CEPT1: variants seen among roughly 807,000 people sequenced by gnomAD.
CEPT1 encodes choline/ethanolaminephosphotransferase 1.
In CEPT1, 7 loss-of-function variants were observed where a neutral mutation model predicts 42.6. The ratio of observed to expected loss-of-function variants is 0.16; its 90% CI spans 0.09 to 0.31. The LOEUF (loss-of-function observed/expected upper bound fraction) is 0.31. Ranked by LOEUF, CEPT1 falls within the 10% of genes least tolerant of loss-of-function variation. The pLI, the probability that CEPT1 is intolerant of heterozygous loss-of-function variation, is 1.00. For missense variants in CEPT1, 306 were observed against 502.1 expected (o/e 0.61, Z 3.73); for synonymous variants, 171 against 171.9 (o/e 0.99, Z 0.04).
chr1:111,167,312 C>A, intron 4 of CEPT1: 1 of 966,722 alleles, frequency 1.0e-6, no homozygotes, highest in Non-Finnish European at 1.2e-6. Context: ...GTTGGTATGT[C>A]ACAAACAGGT....
intron 7 of CEPT1, 75 bp downstream of exon 7, chr1:111,183,032 C>A: frequency 7.0e-7 from 1 of 1,422,498 alleles, no homozygotes; most frequent in Non-Finnish European, 9.6e-7. Flanking sequence ...AGTTCTCATT[C>A]TGTAGCTTCA....
chr1:111,140,621 A>G (rs1654425643), intron 1 of CEPT1: 1 of 152,470 alleles, frequency 6.6e-6, no homozygotes, highest in Non-Finnish European at 1.5e-5. Flanking sequence ...AGGGGTGGGA[A>G]GAACCGTGGA....
In CEPT1 at chr1:111,173,875, G is replaced by T. The variant is rs116470289; in HGVS notation, c.630-1004G>T. Reference sequence around the variant, plus strand: ...TTTTTATATCAGTATATAGAGAGCTGCCCTACTCTTTTTAAAAGCTGTAAA... The same window carrying T: ...TTTTTATATCAGTATATAGAGAGCTTCCCTACTCTTTTTAAAAGCTGTAAA... On this transcript the variant is annotated intron_variant, in intron 4 of 8. Transcript: ENST00000357172. 3.7e-3 allele frequency among the ~76,000 whole-genome samples: 563 copies of T among 152,192 alleles called. 5 individuals carry two copies. The highest frequency in any genetic ancestry group is 0.013 in the African/African-American group (533 of 41,534).
chr1:111,173,863 A>G (rs1571149866), intron 4 of CEPT1, among the ~76,000 whole-genome samples: 1 of 152,158 alleles, frequency 6.6e-6, no homozygotes, highest in Non-Finnish European at 1.5e-5. Flanking sequence ...TTATATCAGT[A>G]TATAGAGAGC....
Position 111,183,799 on chromosome 1 carries a change from G to A in CEPT1, c.1131+212G>A, listed in dbSNP as rs146034329. ...TAATCTTACTAGTCCTGCCTACATC[G>A]GGCAGGGCTCATAAATTGCAAATTT... On this transcript the variant is annotated intron_variant, in intron 8 of 8. Transcript: ENST00000357172. Among the ~76,000 whole-genome samples, 6 of 152,136 alleles carry A rather than the reference G, an allele frequency of 3.9e-5. No individual in the cohort carries two copies. In the East Asian group the frequency reaches 7.7e-4, roughly 20 times the overall value.
intron 1 of CEPT1, among the ~76,000 whole-genome samples, chr1:111,142,433 C>T (rs142657168): frequency 1.6e-3 from 242 of 152,232 alleles, no homozygotes; most frequent in African/African-American, 5.5e-3. Context: ...TCATCAGAGT[C>T]TGGAACCACT....
chr1:111,155,974 C>A (rs948826924), intron 2 of CEPT1, among the ~76,000 whole-genome samples: 3 of 151,960 alleles, frequency 2.0e-5, no homozygotes, highest in East Asian at 1.9e-4. Flanking sequence ...TTTTCTGGTT[C>A]TTTGAGGTGC....
chr1:111,169,600 C>A (rs527406776), intron 4 of CEPT1, among the ~76,000 whole-genome samples: 2 of 152,016 alleles, frequency 1.3e-5, no homozygotes, highest in Non-Finnish European at 2.9e-5. Context: ...ACTGTATTTT[C>A]TTTTACCAGT....
At chr1:111,144,918 T>C (rs1469382064) in intron 1 of CEPT1, among the ~76,000 whole-genome samples, 2 of 152,224 alleles carry the variant, frequency 1.3e-5, no homozygotes, top group Non-Finnish European at 1.5e-5. Context: ...AACATTACTT[T>C]AAAACAGTTT....
At chr1:111,181,872 G>T (rs1657011418) in intron 5 of CEPT1, 1 of 179,160 alleles carries the variant, frequency 5.6e-6, no homozygotes, top group South Asian at 1.4e-4. Context: ...ACACATCCTG[G>T]TTCACTGTTG....
chr1:111,165,112 C>T (rs1182916331), intron 4 of CEPT1, among the ~76,000 whole-genome samples: 2 of 124,384 alleles, frequency 1.6e-5, no homozygotes, highest in Admixed American at 1.0e-4. Flanking sequence ...TGCAGTGGTG[C>T]GATCTCGACT....
At chr1:111,148,178 C>T (rs1419006053) in intron 2 of CEPT1, 125 bp downstream of exon 2, 10 of 720,632 alleles carry the variant, frequency 1.4e-5, no homozygotes, top group South Asian at 3.6e-5. Flanking sequence ...AAATATCACA[C>T]ACACTGTGAT....
chr1:111,174,565 C>G (rs1656581487), intron 4 of CEPT1, among the ~76,000 whole-genome samples: 1 of 148,432 alleles, frequency 6.7e-6, no homozygotes, highest in South Asian at 2.1e-4. Flanking sequence ...AATTTAATAC[C>G]TCCTCAATTT....
chr1:111,154,777 A>G (rs1235064978), intron 2 of CEPT1, among the ~76,000 whole-genome samples: 1 of 152,116 alleles, frequency 6.6e-6, no homozygotes. Context: ...TGTTGATGTG[A>G]TGTGTCACAT....
At chr1:111,144,386 A>G (rs1031060539) in intron 1 of CEPT1, among the ~76,000 whole-genome samples, 1 of 152,254 alleles carries the variant, frequency 6.6e-6, no homozygotes, top group African/African-American at 2.4e-5. Flanking sequence ...TAATAGCTTC[A>G]CAGAGACATT....
intron 2 of CEPT1, among the ~76,000 whole-genome samples, chr1:111,154,438 A>G (rs902887201): frequency 2.6e-5 from 4 of 152,104 alleles, no homozygotes; most frequent in Non-Finnish European, 5.9e-5. Flanking sequence ...ATCTGCAAAG[A>G]GGGACAGTTT....
chr1:111,158,696 A>G (rs1007324276), intron 2 of CEPT1, among the ~76,000 whole-genome samples: 2 of 152,138 alleles, frequency 1.3e-5, no homozygotes, highest in Non-Finnish European at 2.9e-5. Context: ...ATATGAGGTT[A>G]GCATGGAATT....
chr1:111,159,409 C>T lies in CEPT1; in HGVS notation c.369C>T (p.Ala123=). 1.2e-6 allele frequency: 2 copies of T among 1,612,502 alleles called. No homozygotes were observed. Among genetic ancestry groups the T allele is most frequent in the South Asian group, 1.1e-5 (1 of 90,788 alleles). ...CTCTGTGGGCATATATTGCTTGTGC[C>T]TGTGGCCTTTTCATTTACCAGTCTT... ...QAPLWAYIAC[A]CGLFIYQSLD... Residue 123 remains alanine (A), a synonymous_variant, in exon 3 of 9, where the codon GCC becomes GCT. Transcript: ENST00000357172.
At chr1:111,140,948 T>G (rs1654487008) in intron 1 of CEPT1, among the ~76,000 whole-genome samples, 1 of 152,212 alleles carries the variant, frequency 6.6e-6, no homozygotes. Flanking sequence ...CCAGAAACAC[T>G]GCATGAACGG....
Sources: allele counts gnomAD v4.1 joint callset (sites outside exome capture counted in the v4.1 genomes callset), GRCh38; gene constraint gnomAD v4.1.1; transcripts MANE v1.5; gene names NCBI Gene and HGNC (gene_info 2026-07-23, HGNC 2026-07-21).